The following CACNA1F variants were observed in gnomAD, a reference collection of about 807,000 sequenced individuals.
CACNA1F encodes voltage-dependent L-type calcium channel subunit alpha-1F.
CACNA1F carries 59 observed loss-of-function variants against 143.8 expected under a neutral mutation model. That is an observed-to-expected ratio of 0.41 (90% confidence interval 0.33 to 0.51). CACNA1F has a LOEUF of 0.51. Among genes scored for constraint, CACNA1F ranks in the 20% least tolerant of loss-of-function variants. CACNA1F has a pLI of 0.22. For synonymous variants in CACNA1F, 643 were observed against 649.1 expected, an observed-to-expected ratio of 0.99 and a Z score of 0.14; for missense variants, 1,411 against 1,647.5, an observed-to-expected ratio of 0.86 and a Z score of 2.48.
intron 18 of CACNA1F, 51 bp downstream of exon 18, chrX:49,220,984 A>C (rs782511892): frequency 9.2e-6 from 9 of 981,320 alleles, no homozygotes; most frequent in Non-Finnish European, 1.3e-5. Context: ...ACACATAGAC[A>C]GGTAGTGGTG....
chrX:49,217,854 C>G (rs1161345566), intron 25 of CACNA1F, 44 bp downstream of exon 25: 1 of 1,188,575 alleles, frequency 8.4e-7, no homozygotes, highest in African/African-American at 1.7e-5. Context: ...CATCACACTC[C>G]CGCCCAGACC....
At chrX:49,209,506 C>T (rs931123661) in intron 41 of CACNA1F, 113 bp from the exon 42 acceptor site, 3 of 1,119,894 alleles carry the variant, frequency 2.7e-6, no homozygotes, top group Admixed American at 4.7e-5. Flanking sequence ...CCTGGCCCTC[C>T]GTGAGGCCTG....
In CACNA1F at chrX:49,226,714, G is replaced by A; in HGVS notation, c.1277-12C>T. 3.4e-6 allele frequency: 4 copies of A among 1,163,019 alleles called. No homozygotes were observed. The highest frequency in any genetic ancestry group is 4.6e-6 in the Non-Finnish European group (4 of 866,447). On this transcript the variant is annotated splice_polypyrimidine_tract_variant and intron_variant, in intron 9 of 47. Transcript: ENST00000323022. ...GGCCAGCTGTGGCCCTGCAGGGAGAGAAAGGACAATTAGGGAGGACATACT... is the reference window on the plus strand; with the variant it reads ...GGCCAGCTGTGGCCCTGCAGGGAGAAAAAGGACAATTAGGGAGGACATACT...
At chrX:49,230,793 C>T in intron 4 of CACNA1F, 57 bp downstream of exon 4, 8 of 1,145,590 alleles carry the variant, frequency 7.0e-6, no homozygotes, top group Non-Finnish European at 9.4e-6. Flanking sequence ...GCCCAGAATT[C>T]AGCGGGCCTG....
intron 42 of CACNA1F, 190 bp from the exon 43 acceptor site, chrX:49,208,874 G>A: frequency 2.1e-6 from 1 of 467,547 alleles, no homozygotes. Flanking sequence ...TCACCAGGCG[G>A]GAGTGCAGTG....
In CACNA1F at chrX:49,210,344, T is replaced by G; in HGVS notation, c.4545A>C (p.Thr1515=). ...NSDGTVTFNA[T]LFALVRTSLK... ...GGGATGTCCGGACCAGGGCAAAGAGTGTGGCGTTGAATGTCACCGTCCCAT... is the reference window on the plus strand; with the variant it reads ...GGGATGTCCGGACCAGGGCAAAGAGGGTGGCGTTGAATGTCACCGTCCCAT... Residue 1515 remains threonine (T), a synonymous_variant, in exon 39 of 48, where the codon ACA becomes ACC. Transcript: ENST00000323022. The G allele has an allele frequency of 8.3e-7, 1 of 1,208,506 alleles. No individual in the cohort carries two copies. Among genetic ancestry groups the G allele is most frequent in the East Asian group, 3.0e-5 (1 of 33,815 alleles).
chrX:49,224,038 G>A (rs1219127205), intron 14 of CACNA1F, among the ~76,000 whole-genome samples: 3 of 111,510 alleles, frequency 2.7e-5, no homozygotes, highest in Admixed American at 9.6e-5. Flanking sequence ...AGCCTAGGAT[G>A]GAGGTTTAAT....
At chrX:49,211,824 A>T in intron 35 of CACNA1F, 74 bp downstream of exon 35, 1 of 816,619 alleles carries the variant, frequency 1.2e-6, no homozygotes, top group East Asian at 3.1e-5. Flanking sequence ...CCCATAGCTC[A>T]AGCAGTCTGG....
chrX:49,212,282 G>A lies in CACNA1F; in HGVS notation c.3969C>T (p.Ile1323=), dbSNP rs2065664370. Residue 1323 remains isoleucine (I), a synonymous_variant, in exon 34 of 48, where the codon ATC becomes ATT. Transcript: ENST00000323022. ...FQALPYVALL[I]AMIFFIYAVI... ...CGGCATAGATGAAGAATATCATTGC[G>A]ATGAGAAGAGCCACATAGGGCAAGG... 3.3e-6 allele frequency: 4 copies of A among 1,207,808 alleles called. No homozygotes were observed. The highest frequency in any genetic ancestry group is 4.5e-6 in the Non-Finnish European group (4 of 892,118).
In CACNA1F at chrX:49,209,694, G is replaced by A. The variant is rs782819520; in HGVS notation, c.4756C>T (p.Arg1586Trp). The A allele has an allele frequency of 2.5e-5, 30 of 1,209,249 alleles. No homozygotes were observed. Among genetic ancestry groups the A allele is most frequent in the Non-Finnish European group, 1.9e-5 (17 of 894,516 alleles). The part of the protein sequence containing the change: ...FLIQDYFRKF[R>W]RRKEKGLLGN... ...AGTAGCCCTTTTTCTTTCCTCCGCC[G>A]GAATTTGCGGAAATAGTCCTGGATC... is the stretch of plus-strand genomic sequence containing the variant. Residue 1586 changes from arginine to tryptophan, a missense_variant, in exon 41 of 48, where the codon CGG (arginine) becomes TGG (tryptophan). Coordinates refer to ENST00000323022, the MANE Select transcript of CACNA1F (RefSeq NM_001256789.3).
chrX:49,218,411 A>G (rs1557107915), intron 24 of CACNA1F, 44 bp downstream of exon 24: 9 of 1,017,142 alleles, frequency 8.8e-6, no homozygotes, highest in Non-Finnish European at 1.2e-5. Context: ...CCCCAGGGGC[A>G]GGGCAGGGCC....
At chrX:49,214,326 A>C in intron 29 of CACNA1F, 57 bp from the exon 30 acceptor site, 1 of 711,053 alleles carries the variant, frequency 1.4e-6, no homozygotes, top group Non-Finnish European at 2.3e-6. Context: ...GCCACACCCA[A>C]CCAAATATTC....
At chrX:49,219,817 A>T (rs1557108452) in intron 19 of CACNA1F, 27 bp from the exon 20 acceptor site, 2 of 916,200 alleles carry the variant, frequency 2.2e-6, no homozygotes, top group Admixed American at 5.3e-5. Context: ...GCAAAAAAAA[A>T]TTAATTGAGC....
At chrX:49,211,275 G>A in intron 36 of CACNA1F, 47 bp downstream of exon 36, 1 of 1,197,127 alleles carries the variant, frequency 8.4e-7, no homozygotes, top group Non-Finnish European at 1.1e-6. Context: ...GCCCCTCAGG[G>A]CCAGCCCCCG....
At chrX:49,217,734 G>C in intron 26 of CACNA1F, 21 bp downstream of exon 26, 1 of 1,197,155 alleles carries the variant, frequency 8.4e-7, no homozygotes, top group East Asian at 3.0e-5. Flanking sequence ...CTCCGTGGAC[G>C]GCAGGGTCTT....
In CACNA1F at chrX:49,219,323, G is replaced by T. The variant is rs970800220; in HGVS notation, c.2671C>A (p.His891Asn). 8.3e-7 allele frequency: 1 copy of T among 1,208,174 alleles called. No homozygotes were observed. Among genetic ancestry groups the T allele is most frequent in the Admixed American group, 2.2e-5 (1 of 45,821 alleles). Reference protein sequence around the residue: ...DPIRAHSFRNHILGYFDYAFT... With the variant: ...DPIRAHSFRNNILGYFDYAFT... ...CTAGCTCCCAGCCAAAGGCTCACAT[G>T]GTTGCGGAAGGAGTGGGCTCGGATG... is the stretch of plus-strand genomic sequence containing the variant. Residue 891 changes from histidine (H) to asparagine (N), a missense_variant and splice_region_variant, in exon 21 of 48, where the codon CAT becomes AAT. His to Asn is a moderately conservative substitution (Grantham distance 68, BLOSUM62 1). Transcript: ENST00000323022.
At position 49,212,776 on chromosome X, in the gene CACNA1F, C is replaced by T. The variant is rs782330306; in HGVS notation, c.3833G>A (p.Arg1278His). ...HLGESSEDSS[R>H]ISITFFRLFR... is the part of the protein sequence containing the mutation. ...GAGGCGAAAGAAGGTAATGGAAATG[C>T]GGGAGCTGTCCTCAGAGCTCTGGGG... The change falls in exon 33 of 48, where the codon CGC becomes CAC. Residue 1278 changes from arginine to histidine, a missense_variant. By Grantham distance (29) the Arg-to-His change is conservative. Coordinates refer to ENST00000323022, the MANE Select transcript of CACNA1F (RefSeq NM_001256789.3). The T allele has an allele frequency of 1.6e-4, 191 of 1,208,041 alleles. No homozygotes were observed. The highest frequency in any genetic ancestry group is 4.6e-4 in the Middle Eastern group (2 of 4,371).
chrX:49,215,854 C>G (rs1191793166), intron 27 of CACNA1F, among the ~76,000 whole-genome samples: 1 of 109,063 alleles, frequency 9.2e-6, no homozygotes, highest in African/African-American at 3.4e-5. Context: ...CTTCAAATCC[C>G]CTTCTCCAAC....
At chrX:49,212,379 G>A in intron 33 of CACNA1F, 71 bp from the exon 34 acceptor site, 1 of 892,532 alleles carries the variant, frequency 1.1e-6, no homozygotes, top group Non-Finnish European at 1.6e-6. Context: ...GCCCCAGAAT[G>A]CACTGCTTTC....
Sources: allele counts gnomAD v4.1 joint callset (sites outside exome capture counted in the v4.1 genomes callset), GRCh38; gene constraint gnomAD v4.1.1; transcripts MANE v1.5; gene names NCBI Gene and HGNC (gene_info 2026-07-23, HGNC 2026-07-21).